HECTD2: variants seen among roughly 807,000 people sequenced by gnomAD.
HECTD2 encodes probable E3 ubiquitin-protein ligase HECTD2.
In HECTD2, 35 loss-of-function variants were observed where a neutral mutation model predicts 103.2. The ratio of observed to expected loss-of-function variants is 0.34; its 90% CI spans 0.26 to 0.45. HECTD2 has a LOEUF of 0.45. Ranked by LOEUF, HECTD2 falls within the 20% of genes least tolerant of loss-of-function variation. The pLI is 1.00. For synonymous variants in HECTD2, 281 were observed against 329.9 expected (o/e 0.85, Z 1.61); for missense variants, 596 against 937.4 (o/e 0.64, Z 4.76).
intron 5 of HECTD2, among the ~76,000 whole-genome samples, chr10:91,469,594 C>T (rs190398869): frequency 6.6e-6 from 1 of 152,134 alleles, no homozygotes; most frequent in Non-Finnish European, 1.5e-5. Flanking sequence ...TACAAGAAAT[C>T]CTTAAGGGAG....
intron 15 of HECTD2, among the ~76,000 whole-genome samples, chr10:91,496,927 G>C (rs1475880772): frequency 6.7e-6 from 1 of 150,328 alleles, no homozygotes; most frequent in Non-Finnish European, 1.5e-5. Flanking sequence ...CTTTATTTAT[G>C]GATAATTTCA....
At chr10:91,417,710 G>T (rs909572018) in intron 1 of HECTD2, among the ~76,000 whole-genome samples, 7 of 151,830 alleles carry the variant, frequency 4.6e-5, no homozygotes, top group African/African-American at 1.7e-4. Context: ...ATTTTTTATG[G>T]CTGCATAGTA....
At chr10:91,488,996 C>T (rs1846366582) in intron 11 of HECTD2, 1 of 152,046 alleles carries the variant, frequency 6.6e-6, no homozygotes, top group African/African-American at 2.4e-5. Context: ...TGTCATGTGC[C>T]TTTTTAGTAT....
chr10:91,410,412 C>T lies in HECTD2; in HGVS notation c.-27C>T. On this transcript the variant is annotated 5_prime_UTR_variant, in exon 1 of 21. Coordinates refer to ENST00000298068, the MANE Select transcript of HECTD2 (RefSeq NM_182765.6). The stretch of plus-strand genomic sequence containing the variant: ...AGCAACACTGAGGCCGCCGCCGCCG[C>T]CTGGCGCTCCCGCCGCCCGGCCCGA... 7.4e-7 allele frequency: 1 copy of T among 1,358,406 alleles called. No individual in the cohort carries two copies. The highest frequency in any genetic ancestry group is 9.4e-7 in the Non-Finnish European group (1 of 1,058,498). The allele number at this position is 1,358,406 out of a possible 1,614,324, so 84.1% of individuals were successfully genotyped here. A position where few individuals can be genotyped will look rare whatever the true frequency, so the allele number is the denominator to read the frequency against.
chr10:91,511,317 T>C (rs183728999), intron 20 of HECTD2, among the ~76,000 whole-genome samples: 18 of 152,252 alleles, frequency 1.2e-4, no homozygotes, highest in Admixed American at 1.3e-4. Context: ...CCAAAAGGAT[T>C]CAGAAGATAA....
chr10:91,451,493 C>G (rs1844825820), intron 2 of HECTD2, among the ~76,000 whole-genome samples: 1 of 151,866 alleles, frequency 6.6e-6, no homozygotes, highest in African/African-American at 2.4e-5. Flanking sequence ...ACGTTCTGCA[C>G]ATGTATTCCA....
chr10:91,495,703 C>G (rs1846640680), intron 14 of HECTD2, among the ~76,000 whole-genome samples: 1 of 152,064 alleles, frequency 6.6e-6, no homozygotes, highest in South Asian at 2.1e-4. Context: ...TGGAAATTAC[C>G]TATCCTATTA....
intron 1 of HECTD2, among the ~76,000 whole-genome samples, chr10:91,424,575 A>G (rs894527316): frequency 3.9e-5 from 6 of 152,150 alleles, no homozygotes; most frequent in African/African-American, 1.4e-4. Context: ...GCTTCAAAGT[A>G]TGTGTGAAGA....
chr10:91,471,019 C>T (rs1284988405), intron 5 of HECTD2, among the ~76,000 whole-genome samples: 1 of 144,850 alleles, frequency 6.9e-6, no homozygotes, highest in Non-Finnish European at 1.5e-5. Context: ...CACGCACACA[C>T]ACAAAGAAAA....
chr10:91,425,805 A>G (rs1309234790), intron 2 of HECTD2, among the ~76,000 whole-genome samples: 1 of 151,872 alleles, frequency 6.6e-6, no homozygotes. Context: ...AATGTGTAAA[A>G]TCTATTTGGA....
chr10:91,480,880 T>G (rs536589368), intron 6 of HECTD2, among the ~76,000 whole-genome samples: 1 of 152,128 alleles, frequency 6.6e-6, no homozygotes, highest in South Asian at 2.1e-4. Context: ...CCTAGTTAGC[T>G]CAGTCTTTAG....
chr10:91,416,689 T>C (rs1843139648), intron 1 of HECTD2, among the ~76,000 whole-genome samples: 1 of 152,244 alleles, frequency 6.6e-6, no homozygotes, highest in Non-Finnish European at 1.5e-5. Flanking sequence ...CATCTGTAGC[T>C]GAAAAGCTGT....
intron 5 of HECTD2, among the ~76,000 whole-genome samples, chr10:91,466,007 G>T (rs1026042603): frequency 6.6e-6 from 1 of 152,074 alleles, no homozygotes; most frequent in African/African-American, 2.4e-5. Flanking sequence ...TACAGAATTG[G>T]TATCATTTAT....
intron 6 of HECTD2, among the ~76,000 whole-genome samples, chr10:91,479,470 TTTAAC>T (rs1403085511): frequency 6.6e-6 from 1 of 152,188 alleles, no homozygotes; most frequent in African/African-American, 2.4e-5. Context: ...TCATGTGACT[TTTAAC>T]TTAATGATCT....
At chr10:91,473,616 A>G (rs1037984667) in intron 5 of HECTD2, among the ~76,000 whole-genome samples, 15 of 152,132 alleles carry the variant, frequency 9.9e-5, no homozygotes, top group Admixed American at 9.8e-4. Flanking sequence ...AGGAAGACCA[A>G]CTCCTCCTCT....
intron 2 of HECTD2, among the ~76,000 whole-genome samples, chr10:91,454,992 C>T (rs908042598): frequency 3.3e-5 from 5 of 152,070 alleles, no homozygotes; most frequent in African/African-American, 1.2e-4. Flanking sequence ...GGGTTAGTTC[C>T]AAGTCTTAGC....
chr10:91,477,546 A>G (rs1845952786), intron 5 of HECTD2, among the ~76,000 whole-genome samples: 1 of 152,204 alleles, frequency 6.6e-6, no homozygotes, highest in African/African-American at 2.4e-5. Context: ...GGAATGCTAT[A>G]TTAAATATAT....
At chr10:91,418,452 CA>C (rs1228919589) in intron 1 of HECTD2, among the ~76,000 whole-genome samples, 1 of 151,798 alleles carries the variant, frequency 6.6e-6, no homozygotes, top group African/African-American at 2.4e-5. Flanking sequence ...TTTTTTGTGA[CA>C]AAATTTTGTT....
Position 91,503,960 on chromosome 10 carries a change from T to A in HECTD2, c.2210+2626T>A, listed in dbSNP as rs181251042. ...CAGGCAGACTGCCGCCTCAAGTGGG[T>A]CCCTGACACCTGACCCCCGAGCAGC... On this transcript the variant is annotated intron_variant, in intron 20 of 20. Transcript: ENST00000298068. 6.4e-4 allele frequency among the ~76,000 whole-genome samples: 97 copies of A among 152,224 alleles called. 2 individuals carry two copies. In the East Asian group the frequency reaches 0.018, roughly 28 times the overall value.
Sources: allele counts gnomAD v4.1 joint callset (sites outside exome capture counted in the v4.1 genomes callset), GRCh38; gene constraint gnomAD v4.1.1; transcripts MANE v1.5; gene names NCBI Gene and HGNC (gene_info 2026-07-23, HGNC 2026-07-21).